KCNB2: variants seen among roughly 807,000 people sequenced by gnomAD.
The protein encoded by KCNB2 is potassium voltage-gated channel subfamily B member 2, also known as delayed rectifier potassium channel protein.
Under a neutral mutation model 61.5 loss-of-function variants are expected in KCNB2, and 15 were observed. The ratio of observed to expected loss-of-function variants is 0.24; its 90% confidence interval spans 0.16 to 0.38. The LOEUF is 0.38. Ranked by LOEUF, KCNB2 falls within the 10% of genes least tolerant of loss-of-function variation. The pLI, the probability that KCNB2 is intolerant of heterozygous loss-of-function variation, is 1.00. For synonymous variants in KCNB2, 457 were observed against 446.0 expected, an observed-to-expected ratio of 1.02 and a Z score of -0.31; for missense variants, 828 against 1,125.2, an observed-to-expected ratio of 0.74 and a Z score of 3.78.
At position 72,599,481 on chromosome 8, in the gene KCNB2, A is replaced by G. The variant is rs1283056402; in HGVS notation, c.579+31168A>G. 5.3e-5 allele frequency among the ~76,000 whole-genome samples: 8 copies of G among 152,222 alleles called. No individual in the cohort carries two copies. In the East Asian group the frequency reaches 1.5e-3, roughly 29 times the overall value. On this transcript the variant is annotated intron_variant, in intron 2 of 2. Coordinates refer to ENST00000523207, the MANE Select transcript of KCNB2 (RefSeq NM_004770.3). ...GATAAAAGACTTAAATGTTAGACCT[A>G]AAACCATAAAAACCCTAGAAGAAAA...
intron 2 of KCNB2, among the ~76,000 whole-genome samples, chr8:72,716,783 A>G (rs534595196): frequency 6.6e-6 from 1 of 152,054 alleles, no homozygotes; most frequent in Admixed American, 6.6e-5. Flanking sequence ...CACCACTCCT[A>G]TTCAACATAG....
intron 2 of KCNB2, among the ~76,000 whole-genome samples, chr8:72,733,997 G>A (rs1454711878): frequency 6.6e-6 from 1 of 152,098 alleles, no homozygotes; most frequent in Non-Finnish European, 1.5e-5. Flanking sequence ...TTTTCTTAAA[G>A]GCAACTCTCC....
In KCNB2 at chr8:72,850,045, C is replaced by T. The variant is rs1391792688; in HGVS notation, c.580-85890C>T. ...CACTGTTTTGACATCTAGTAGTGGA[C>T]ACCCAACAAATGTTTGTTGAGTGAA... On this transcript the variant is annotated intron_variant, in intron 2 of 2. Coordinates refer to ENST00000523207, the MANE Select transcript of KCNB2 (RefSeq NM_004770.3). Among the ~76,000 whole-genome samples the T allele has an allele frequency of 2.6e-5, 4 of 152,204 alleles. No individual in the cohort carries two copies. In the South Asian group the frequency reaches 8.3e-4, roughly 32 times the overall value.
chr8:72,814,287 A>G (rs1809353525), intron 2 of KCNB2, among the ~76,000 whole-genome samples: 1 of 152,192 alleles, frequency 6.6e-6, no homozygotes, highest in South Asian at 2.1e-4. Context: ...GCTATTGTGA[A>G]TATCTTGTAC....
intron 2 of KCNB2, among the ~76,000 whole-genome samples, chr8:72,920,933 A>G (rs1322323080): frequency 6.6e-6 from 1 of 152,166 alleles, no homozygotes; most frequent in Non-Finnish European, 1.5e-5. Context: ...AACTATAGAT[A>G]AGGTATACAC....
intron 2 of KCNB2, among the ~76,000 whole-genome samples, chr8:72,653,234 C>T (rs149519577): frequency 1.1e-4 from 16 of 152,238 alleles, no homozygotes; most frequent in Non-Finnish European, 1.9e-4. Context: ...ATGAAAATAT[C>T]TCTTGGAGGA....
At chr8:72,763,840 A>G (rs535937063) in intron 2 of KCNB2, among the ~76,000 whole-genome samples, 2 of 152,334 alleles carry the variant, frequency 1.3e-5, no homozygotes, top group East Asian at 3.9e-4. Flanking sequence ...TATGTGCCAC[A>G]CTGTTGGAAA....
In KCNB2 at chr8:72,617,804, G is replaced by A. The variant is rs181579874; in HGVS notation, c.579+49491G>A. Among the ~76,000 whole-genome samples, 232 of 152,160 alleles carry A rather than the reference G, an allele frequency of 1.5e-3. 3 individuals carry two copies. The highest frequency in any genetic ancestry group is 3.4e-3 in the Admixed American group (52 of 15,266). ...ATGCTAAATTCGCCACCTCCCCGCC[G>A]GCCCCGGCCCCAAGTAATAAACAAC... On this transcript the variant is annotated intron_variant, in intron 2 of 2. Transcript: ENST00000523207.
chr8:72,581,356 C>G (rs1806892513), intron 2 of KCNB2, among the ~76,000 whole-genome samples: 1 of 152,132 alleles, frequency 6.6e-6, no homozygotes, highest in African/African-American at 2.4e-5. Context: ...TCCTTGTAAT[C>G]TCATGATTTT....
At chr8:72,817,416 C>T (rs1345182941) in intron 2 of KCNB2, among the ~76,000 whole-genome samples, 1 of 152,032 alleles carries the variant, frequency 6.6e-6, no homozygotes, top group Non-Finnish European at 1.5e-5. Context: ...GCAAAACAGC[C>T]CAGATAGTCA....
intron 2 of KCNB2, among the ~76,000 whole-genome samples, chr8:72,779,395 C>T (rs1051035823): frequency 5.3e-5 from 8 of 152,122 alleles, no homozygotes; most frequent in Non-Finnish European, 1.0e-4. Context: ...CAGAATATTC[C>T]TATTTCTTGG....
rs181848793 is a variant in KCNB2, at chr8:72,812,062, G to A, written c.580-123873G>A. On this transcript the variant is annotated intron_variant, in intron 2 of 2. Transcript: ENST00000523207. ...GGATCACTTGAGGCCAGGAGTTCAA[G>A]ACCAGCCTGCCCAACATGGTGAAAT... Among the ~76,000 whole-genome samples the A allele has an allele frequency of 2.0e-5, 3 of 152,252 alleles. No individual in the cohort carries two copies. The East Asian group carries it at 5.8e-4, about 29-fold the overall frequency.
intron 2 of KCNB2, among the ~76,000 whole-genome samples, chr8:72,629,395 C>T (rs1805844738): frequency 6.6e-6 from 1 of 152,312 alleles, no homozygotes; most frequent in South Asian, 2.1e-4. Context: ...AATCTGTTCT[C>T]TCATTCTATC....
intron 2 of KCNB2, among the ~76,000 whole-genome samples, chr8:72,701,433 A>G (rs1275697071): frequency 6.6e-6 from 1 of 152,178 alleles, no homozygotes; most frequent in East Asian, 1.9e-4. Context: ...TTATCTATTC[A>G]TAACACCATC....
chr8:72,907,730 G>T lies in KCNB2; in HGVS notation c.580-28205G>T, dbSNP rs536232370. On this transcript the variant is annotated intron_variant, in intron 2 of 2. Coordinates refer to ENST00000523207, the MANE Select transcript of KCNB2 (RefSeq NM_004770.3). ...CGAAAGCATCAGTAACTCTCTCTCTGCCTCTATGTCCCTATGTTTAGTCAT... is the reference window on the plus strand; with the variant it reads ...CGAAAGCATCAGTAACTCTCTCTCTTCCTCTATGTCCCTATGTTTAGTCAT... Among the ~76,000 whole-genome samples the T allele has an allele frequency of 5.9e-5, 9 of 152,268 alleles. No individual in the cohort carries two copies. In the East Asian group the frequency reaches 1.7e-3, roughly 29 times the overall value.
chr8:72,914,702 G>A (rs1270537144), intron 2 of KCNB2, among the ~76,000 whole-genome samples: 1 of 152,130 alleles, frequency 6.6e-6, no homozygotes, highest in East Asian at 1.9e-4. Context: ...CGATACATTG[G>A]TGTTGAGAAT....
intron 2 of KCNB2, among the ~76,000 whole-genome samples, chr8:72,718,262 C>T (rs1381828068): frequency 6.6e-6 from 1 of 152,178 alleles, no homozygotes; most frequent in African/African-American, 2.4e-5. Flanking sequence ...GTGGGGATTC[C>T]TCAGGGATCT....
intron 2 of KCNB2, among the ~76,000 whole-genome samples, chr8:72,748,538 G>A (rs1034463644): frequency 6.6e-6 from 1 of 150,802 alleles, no homozygotes; most frequent in African/African-American, 2.4e-5. Flanking sequence ...GAAGGATGAA[G>A]TTAAGTAAAT....
chr8:72,713,538 C>G (rs1015232440), intron 2 of KCNB2, among the ~76,000 whole-genome samples: 3 of 152,126 alleles, frequency 2.0e-5, no homozygotes, highest in Non-Finnish European at 4.4e-5. Flanking sequence ...CTGCTGATAC[C>G]CAGGAAAACA....
Sources: gnomAD v4.1 joint callset for allele counts (sites outside exome capture counted in the v4.1 genomes callset) on GRCh38, gnomAD v4.1.1 for gene constraint, MANE v1.5 for transcripts, NCBI Gene and HGNC (gene_info 2026-07-23, HGNC 2026-07-21) for gene names.